SAMD15: variants seen among roughly 807,000 people sequenced by gnomAD.
SAMD15 encodes sterile alpha motif domain containing 15.
SAMD15 carries 37 observed loss-of-function variants against 50.5 expected under a neutral mutation model. The ratio of observed to expected loss-of-function variants is 0.73; its 90% CI spans 0.56 to 0.96. The LOEUF is 0.96. Among genes scored for constraint, SAMD15 ranks in the 40% least tolerant of loss-of-function variants. SAMD15 has a pLI of 0.00. For synonymous variants in SAMD15, 255 were observed against 282.8 expected (o/e 0.90, Z 0.99); for missense variants, 789 against 783.8 (o/e 1.01, Z -0.08).
rs748971786 is a variant in SAMD15, at chr14:77,378,116, C to G, written c.698C>G (p.Pro233Arg). Residue 233 changes from proline (P) to arginine (R), a missense_variant, in exon 1 of 3, where the codon CCA (proline) becomes CGA (arginine). Pro to Arg is a moderately radical substitution (Grantham distance 103). This residue lies in a region of SAMD15 where 770 missense variants were observed against 745.4 expected (regional missense o/e 1.03). Coordinates refer to ENST00000216471, the MANE Select transcript of SAMD15 (RefSeq NM_001010860.4). ...CTTGAAGAGACAGATCTTCAGCCACCAAAGATGACCAAACCAGAGACTCCA... is the reference window on the plus strand; with the variant it reads ...CTTGAAGAGACAGATCTTCAGCCACGAAAGATGACCAAACCAGAGACTCCA... ...ESLEETDLQP[P>R]KMTKPETPEE... is the part of the protein sequence containing the mutation. The G allele has an allele frequency of 6.2e-7, 1 of 1,613,830 alleles. No homozygotes were observed. Among genetic ancestry groups the G allele is most frequent in the Non-Finnish European group, 8.5e-7 (1 of 1,179,978 alleles).
rs147777196 is a variant in SAMD15, at chr14:77,378,280, G to C, written c.862G>C (p.Val288Leu). 6.2e-7 allele frequency: 1 copy of C among 1,612,648 alleles called. No individual in the cohort carries two copies. Among genetic ancestry groups the C allele is most frequent in the Non-Finnish European group, 8.5e-7 (1 of 1,179,712 alleles). ...GCCTCCAGAAGAGACTCAACCAGAG[G>C]TTCCAGAGGAGATGCAAAGAAAGGC... ...LEPPEETQPE[V>L]PEEMQRKATE... is the part of the protein sequence containing the mutation. Residue 288 changes from valine (V) to leucine (L), a missense_variant, in exon 1 of 3, where the codon GTT (valine) becomes CTT (leucine). By Grantham distance (32) the Val-to-Leu change is conservative. Transcript: ENST00000216471.
chr14:77,377,641 G>T lies in SAMD15; in HGVS notation c.223G>T (p.Val75Leu). 1 of 1,614,188 alleles carries T rather than the reference G, an allele frequency of 6.2e-7. No individual in the cohort carries two copies. Residue 75 changes from valine (V) to leucine (L), a missense_variant, in exon 1 of 3, where the codon GTG (valine) becomes TTG (leucine). By Grantham distance (32) the Val-to-Leu change is conservative. Transcript: ENST00000216471. ...GGGGGAGCCAGACAGTGCTAAGAAC[G>T]TGCAGCTGAAACCTGGCGGGACGTC... ...KEGEPDSAKN[V>L]QLKPGGTSQE...
chr14:77,379,522 A>G (rs1893918033), intron 1 of SAMD15, among the ~76,000 whole-genome samples: 1 of 151,862 alleles, frequency 6.6e-6, no homozygotes. Context: ...AGTAGCTGGG[A>G]CTGGGACTAC....
Position 77,377,409 on chromosome 14 carries a change from T to G in SAMD15, c.-10T>G, listed in dbSNP as rs201112337. ...TGCTAGGAAGCCGCGGCGCGTCTGC[T>G]AAGCTGCAAATGGCTGAAGTCCCGG... On this transcript the variant is annotated 5_prime_UTR_variant, in exon 1 of 3. Transcript: ENST00000216471. 25 of 1,592,704 alleles carry G rather than the reference T, an allele frequency of 1.6e-5. No homozygotes were observed. The African/African-American group carries it at 2.8e-4, about 18-fold the overall frequency.
At chr14:77,385,179 T>A in intron 2 of SAMD15, among the ~76,000 whole-genome samples, 1 of 151,536 alleles carries the variant, frequency 6.6e-6, no homozygotes, top group Admixed American at 6.6e-5. Context: ...TGAAACTCCA[T>A]CTCAAAAAAA....
In SAMD15 at chr14:77,377,744, C is replaced by A. The variant is rs202028030; in HGVS notation, c.326C>A (p.Ser109Ter). The change falls in exon 1 of 3, where the codon TCG becomes TAG. Residue 109 changes from serine to a stop codon, truncating the protein, a stop_gained. Transcript: ENST00000216471. LOFTEE classifies it high-confidence loss of function. Reference protein sequence around the residue: ...TEPGIHQEVKSETSREMGEFF... With the variant: ...TEPGIHQEVK ...CCAGGGATACACCAAGAGGTAAAGT[C>A]GGAAACATCCAGAGAGATGGGAGAG... 1.9e-6 allele frequency: 3 copies of A among 1,613,950 alleles called. No individual in the cohort carries two copies. The highest frequency in any genetic ancestry group is 2.5e-6 in the Non-Finnish European group (3 of 1,180,028).
chr14:77,378,545 C>G lies in SAMD15; in HGVS notation c.1127C>G (p.Pro376Arg), dbSNP rs1312523130. The G allele has an allele frequency of 6.2e-7, 1 of 1,613,498 alleles. No homozygotes were observed. The highest frequency in any genetic ancestry group is 1.3e-5 in the African/African-American group (1 of 74,900). The change falls in exon 1 of 3, where the codon CCA becomes CGA. Residue 376 changes from proline (P) to arginine (R), a missense_variant. Pro to Arg is a moderately radical substitution (Grantham distance 103). Around this residue, in one of 2 missense-constraint regions of SAMD15, gnomAD observed 770 missense variants for 745.4 expected, o/e 1.03. Coordinates refer to ENST00000216471, the MANE Select transcript of SAMD15 (RefSeq NM_001010860.4). ...AATGAGAAAAAAAATCCACAGCCAC[C>G]AGAGGAGACTGGTCCAGTGCTACCA... ...KSNEKKNPQP[P>R]EETGPVLPQE...
At chr14:77,385,356 G>A (rs953139393) in intron 2 of SAMD15, among the ~76,000 whole-genome samples, 4 of 151,352 alleles carry the variant, frequency 2.6e-5, no homozygotes, top group Admixed American at 2.0e-4. Context: ...CGCGATCTCG[G>A]CTCACTGCAA....
Position 77,391,085 on chromosome 14 carries a change from G to T in SAMD15, c.1866G>T (p.Arg622Ser), listed in dbSNP as rs1466245833. ...AACGCTCCATCAGCCTTCCCTATAGGGATATTATCGGCTTATATTTAGAGC... is the reference window on the plus strand; with the variant it reads ...AACGCTCCATCAGCCTTCCCTATAGTGATATTATCGGCTTATATTTAGAGC... ...LFKRSISLPY[R>S]DIIGLYLEQK... Residue 622 changes from arginine (R) to serine (S), a missense_variant, in exon 3 of 3, where the codon AGG (arginine) becomes AGT (serine). This residue lies in a region of SAMD15 where 770 missense variants were observed against 745.4 expected (regional missense o/e 1.03). Transcript: ENST00000216471. 6.2e-7 allele frequency: 1 copy of T among 1,613,926 alleles called. No homozygotes were observed. Among genetic ancestry groups the T allele is most frequent in the African/African-American group, 1.3e-5 (1 of 74,986 alleles).
Position 77,377,942 on chromosome 14 carries a change from C to T in SAMD15, c.524C>T (p.Thr175Ile). The T allele has an allele frequency of 6.2e-7, 1 of 1,613,980 alleles. No homozygotes were observed. ...ACCATGTCTGAGGTTTCGGGGGCCA[C>T]AGTCAGAGAGAGAAATTTAGAATTA... Reference protein sequence around the residue: ...TETMSEVSGATVRERNLELLE... With the variant: ...TETMSEVSGAIVRERNLELLE... The change falls in exon 1 of 3, where the codon ACA becomes ATA. Residue 175 changes from threonine to isoleucine, a missense_variant. Transcript: ENST00000216471.
At chr14:77,386,494 A>G (rs1256023155) in intron 2 of SAMD15, among the ~76,000 whole-genome samples, 1 of 152,150 alleles carries the variant, frequency 6.6e-6, no homozygotes. Flanking sequence ...ATGCTGGTAT[A>G]GGCTGGCTGC....
chr14:77,385,647 GA>G (rs1400416669), intron 2 of SAMD15, among the ~76,000 whole-genome samples: 18 of 152,052 alleles, frequency 1.2e-4, no homozygotes, highest in Non-Finnish European at 1.5e-5. Flanking sequence ...CCCTATGAAA[GA>G]CAGATTTACC....
In SAMD15 at chr14:77,378,363, C is replaced by T. The variant is rs776335923; in HGVS notation, c.945C>T (p.His315=). 6.2e-7 allele frequency: 1 copy of T among 1,613,194 alleles called. No homozygotes were observed. The highest frequency in any genetic ancestry group is 8.5e-7 in the Non-Finnish European group (1 of 1,179,824). ...PERTKPDFPD[H]KPRKSTDENV... Reference sequence around the variant, plus strand: ...GGACTAAACCAGACTTTCCAGACCACAAGCCAAGAAAGTCTACTGATGAGA... The same window carrying T: ...GGACTAAACCAGACTTTCCAGACCATAAGCCAAGAAAGTCTACTGATGAGA... Residue 315 remains histidine, a synonymous_variant, in exon 1 of 3, where the codon CAC becomes CAT. Coordinates refer to ENST00000216471, the MANE Select transcript of SAMD15 (RefSeq NM_001010860.4).
Position 77,391,133 on chromosome 14 carries a change from A to T in SAMD15, c.1914A>T (p.Lys638Asn). The change falls in exon 3 of 3, where the codon AAA becomes AAT. Residue 638 changes from lysine (K) to asparagine (N), a missense_variant. Physicochemically the swap from Lys to Asn is moderately conservative, Grantham distance 94. This residue lies in a region of SAMD15 where 770 missense variants were observed against 745.4 expected (regional missense o/e 1.03). Transcript: ENST00000216471. ...AGCAAAAAGGTCATACTGGGATAAA[A>T]TCTGATTCCTTGACTTTATCTGAAT... ...YLEQKGHTGI[K>N]SDSLTLSEFV... The T allele has an allele frequency of 6.2e-7, 1 of 1,613,742 alleles. No individual in the cohort carries two copies. The highest frequency in any genetic ancestry group is 8.5e-7 in the Non-Finnish European group (1 of 1,179,662).
At chr14:77,390,052 A>G (rs1043672758) in intron 2 of SAMD15, among the ~76,000 whole-genome samples, 3 of 150,884 alleles carry the variant, frequency 2.0e-5, no homozygotes, top group African/African-American at 7.3e-5. Context: ...CTGGAGTGCA[A>G]TGGCATGATC....
intron 2 of SAMD15, 130 bp downstream of exon 2, chr14:77,380,611 A>T: frequency 8.1e-6 from 5 of 616,472 alleles, no homozygotes; most frequent in Admixed American, 2.7e-5. Context: ...CCAGTTCCTC[A>T]GGCTCACGGT....
Position 77,391,037 on chromosome 14 carries a change from G to GA in SAMD15, c.1818_1819insA (p.Glu607ArgfsTer3). The GA allele has an allele frequency of 6.2e-7, 1 of 1,613,040 alleles. No homozygotes were observed. The highest frequency in any genetic ancestry group is 2.2e-5 in the East Asian group (1 of 44,884). ...TTTCTCGGCATACGCAGGAGCTCCT[G>GA]GAAATTGAAGAGCCATTATTCAAAC... On this transcript the variant is annotated frameshift_variant, in exon 3 of 3. Coordinates refer to ENST00000216471, the MANE Select transcript of SAMD15 (RefSeq NM_001010860.4). LOFTEE classifies it low-confidence loss of function (END_TRUNC).
chr14:77,380,496 A>G lies in SAMD15; in HGVS notation c.1788+15A>G. On this transcript the variant is annotated intron_variant, in intron 2 of 2. Transcript: ENST00000216471. ...AGGACATGAAGGTGAGTTGTGTCCA[A>G]AGTTTCCCTACAGAGCACTGTTAAC... 1 of 1,569,170 alleles carries G rather than the reference A, an allele frequency of 6.4e-7. No individual in the cohort carries two copies. Among genetic ancestry groups the G allele is most frequent in the Admixed American group, 1.7e-5 (1 of 59,930 alleles).
In SAMD15 at chr14:77,377,807, A is replaced by G; in HGVS notation, c.389A>G (p.His130Arg). ...KDLEAPMDET[H>R]KESDLEPPEE... ...TTGGAGGCCCCTATGGATGAAACGC[A>G]TAAAGAGTCAGACCTAGAGCCACCA... is the stretch of plus-strand genomic sequence containing the variant. Residue 130 changes from histidine to arginine, a missense_variant, in exon 1 of 3, where the codon CAT becomes CGT. Transcript: ENST00000216471. The G allele has an allele frequency of 6.2e-7, 1 of 1,614,164 alleles. No homozygotes were observed. The highest frequency in any genetic ancestry group is 2.2e-5 in the East Asian group (1 of 44,892).
Sources: allele counts gnomAD v4.1 joint callset (sites outside exome capture counted in the v4.1 genomes callset), GRCh38; gene constraint gnomAD v4.1.1; regional missense constraint gnomAD v4.1.1; transcripts MANE v1.5; gene names NCBI Gene and HGNC (gene_info 2026-07-23, HGNC 2026-07-21).